Variants in SOHLH2 observed in about 807,000 individuals in gnomAD.
The protein encoded by SOHLH2 is spermatogenesis- and oogenesis-specific basic helix-loop-helix-containing protein 2.
In SOHLH2, 22 loss-of-function variants were observed where a neutral mutation model predicts 50.4. The ratio of observed to expected loss-of-function variants is 0.44; its 90% CI spans 0.31 to 0.62. The LOEUF is 0.62. Ranked by LOEUF, SOHLH2 falls within the 20% of genes least tolerant of loss-of-function variation. SOHLH2 has a pLI of 0.08. For missense variants in SOHLH2, 412 were observed against 504.4 expected, an observed-to-expected ratio of 0.82 and a Z score of 1.76; for synonymous variants, 185 against 187.3, an observed-to-expected ratio of 0.99 and a Z score of 0.10.
chr13:36,196,747 A>G (rs1887744026), intron 2 of SOHLH2, among the ~76,000 whole-genome samples: 1 of 152,200 alleles, frequency 6.6e-6, no homozygotes, highest in South Asian at 2.1e-4. Context: ...TAAGATATGG[A>G]TATATGGATT....
At chr13:36,188,006 C>G (rs1364322463) in intron 6 of SOHLH2, among the ~76,000 whole-genome samples, 2 of 152,108 alleles carry the variant, frequency 1.3e-5, no homozygotes, top group African/African-American at 2.4e-5. Context: ...TTGAAACACT[C>G]TCTCTAGGAG....
intron 9 of SOHLH2, among the ~76,000 whole-genome samples, chr13:36,172,968 T>C (rs1315643053): frequency 6.6e-6 from 1 of 152,238 alleles, no homozygotes; most frequent in East Asian, 1.9e-4. Context: ...AACTGCTAGC[T>C]GTGTTCTTTT....
At chr13:36,202,600 A>T (rs1475504514) in intron 1 of SOHLH2, among the ~76,000 whole-genome samples, 1 of 152,242 alleles carries the variant, frequency 6.6e-6, no homozygotes, top group Non-Finnish European at 1.5e-5. Flanking sequence ...AAACCTCAAT[A>T]TTAGGAACCA....
intron 2 of SOHLH2, among the ~76,000 whole-genome samples, chr13:36,199,737 G>T (rs1887843357): frequency 6.6e-6 from 1 of 152,126 alleles, no homozygotes; most frequent in Non-Finnish European, 1.5e-5. Context: ...AACCTTCTAG[G>T]TTTTAATATC....
intron 1 of SOHLH2, among the ~76,000 whole-genome samples, chr13:36,210,695 T>G (rs1326039808): frequency 6.6e-6 from 1 of 152,184 alleles, no homozygotes; most frequent in Non-Finnish European, 1.5e-5. Context: ...AGTACCCTAC[T>G]CTAAACAGGA....
chr13:36,181,267 C>G (rs1180178461), intron 6 of SOHLH2, among the ~76,000 whole-genome samples: 3 of 152,050 alleles, frequency 2.0e-5, no homozygotes, highest in African/African-American at 7.2e-5. Context: ...CTGTTACAGA[C>G]AGTAGATAGC....
intron 6 of SOHLH2, among the ~76,000 whole-genome samples, chr13:36,184,829 G>T (rs2138286228): frequency 6.6e-6 from 1 of 152,150 alleles, no homozygotes; most frequent in African/African-American, 2.4e-5. Flanking sequence ...GCATACATGT[G>T]CCATGGTGGT....
chr13:36,173,346 G>A (rs148651030), intron 9 of SOHLH2, among the ~76,000 whole-genome samples: 424 of 152,218 alleles, frequency 2.8e-3, no homozygotes, highest in African/African-American at 8.9e-3. Context: ...GCATGAAGGA[G>A]GTAAATAAAT....
intron 2 of SOHLH2, among the ~76,000 whole-genome samples, chr13:36,197,050 C>T (rs1210986068): frequency 6.6e-6 from 1 of 152,104 alleles, no homozygotes; most frequent in Non-Finnish European, 1.5e-5. Flanking sequence ...CTAAGCAATG[C>T]AAAAACAAAC....
chr13:36,190,052 C>A lies in SOHLH2; in HGVS notation c.535G>T (p.Glu179Ter). ...AGCCCATTGCCATTCCTTAAAGATT[C>A]AGAGCTAGAAACAAGAGAAAATCAC... ...YFPTDLFACS[E>*]SLRNGNGLEL... The change falls in exon 6 of 11, where the codon GAA (glutamate) becomes TAA (stop). Residue 179 changes from glutamate (E) to a stop codon, truncating the protein, a stop_gained. Coordinates refer to ENST00000379881, the MANE Select transcript of SOHLH2 (RefSeq NM_017826.3). LOFTEE classifies it high-confidence loss of function. 6.3e-7 allele frequency: 1 copy of A among 1,598,012 alleles called. No homozygotes were observed. The highest frequency in any genetic ancestry group is 8.5e-7 in the Non-Finnish European group (1 of 1,172,684).
At chr13:36,180,075 T>C (rs548090441) in intron 6 of SOHLH2, among the ~76,000 whole-genome samples, 2 of 152,226 alleles carry the variant, frequency 1.3e-5, no homozygotes, top group Non-Finnish European at 2.9e-5. Flanking sequence ...TTGTTAAACA[T>C]AGAGCTATTC....
chr13:36,201,699 G>A (rs1373473451), intron 2 of SOHLH2, among the ~76,000 whole-genome samples, 180 bp downstream of exon 2: 1 of 152,056 alleles, frequency 6.6e-6, no homozygotes, highest in East Asian at 1.9e-4. Flanking sequence ...GGAACTCCCG[G>A]GTTAAAGCAA....
intron 2 of SOHLH2, among the ~76,000 whole-genome samples, chr13:36,198,040 G>A (rs564965352): frequency 1.3e-5 from 2 of 152,306 alleles, no homozygotes. Flanking sequence ...AGACATAAAA[G>A]GACAACTTGT....
At position 36,168,752 on chromosome 13, in the gene SOHLH2, AAG is replaced by A. The variant is rs1046531766; in HGVS notation, c.*280_*281del. The stretch of plus-strand genomic sequence containing the variant: ...TAAATTGTGGAATATTTTTTGAGAA[AAG>A]AGAGTGTAGGTCACTGAGGCCATTT... On this transcript the variant is annotated 3_prime_UTR_variant, in exon 11 of 11. Coordinates refer to ENST00000379881, the MANE Select transcript of SOHLH2 (RefSeq NM_017826.3). 2.4e-6 allele frequency: 1 copy of A among 422,596 alleles called. No homozygotes were observed. Among genetic ancestry groups the A allele is most frequent in the Admixed American group, 4.1e-5 (1 of 24,098 alleles). The allele number at this position is 422,596 out of a possible 1,614,324, so 26.2% of individuals were successfully genotyped here.
At chr13:36,207,694 C>T (rs7317820) in intron 1 of SOHLH2, among the ~76,000 whole-genome samples, 47,753 of 152,000 alleles carry the variant, frequency 0.31, 7,615 homozygotes, top group African/African-American at 0.37. Flanking sequence ...TAATAGGTTG[C>T]ACTTAGTCCT....
At chr13:36,208,053 A>C (rs2138330164) in intron 1 of SOHLH2, among the ~76,000 whole-genome samples, 1 of 152,348 alleles carries the variant, frequency 6.6e-6, no homozygotes, top group Middle Eastern at 3.4e-3. Context: ...AAGGGACTAA[A>C]GTACCACCTC....
chr13:36,185,546 AT>A (rs1214008936), intron 6 of SOHLH2, among the ~76,000 whole-genome samples: 5 of 152,162 alleles, frequency 3.3e-5, no homozygotes, highest in African/African-American at 4.8e-5. Context: ...AAATAAAAAA[AT>A]GAGCTAATAT....
intron 6 of SOHLH2, among the ~76,000 whole-genome samples, chr13:36,177,574 C>T (rs1054961916): frequency 2.6e-5 from 4 of 152,044 alleles, no homozygotes; most frequent in Non-Finnish European, 1.5e-5. Flanking sequence ...TATTTAATAT[C>T]ATCAGTAGTT....
At chr13:36,177,668 T>C (rs559813544) in intron 6 of SOHLH2, among the ~76,000 whole-genome samples, 14 of 152,150 alleles carry the variant, frequency 9.2e-5, no homozygotes, top group Non-Finnish European at 1.5e-4. Flanking sequence ...CAGCTAATGA[T>C]GTTGAGCACT....
Sources: gnomAD v4.1 joint callset for allele counts (sites outside exome capture counted in the v4.1 genomes callset) on GRCh38, gnomAD v4.1.1 for gene constraint, MANE v1.5 for transcripts, NCBI Gene and HGNC (gene_info 2026-07-23, HGNC 2026-07-21) for gene names.